HAUS6: variants seen among roughly 807,000 people sequenced by gnomAD.
The protein encoded by HAUS6 is HAUS augmin-like complex subunit 6.
In HAUS6, 80 loss-of-function variants were observed where a neutral mutation model predicts 106.8. The observed-to-expected ratio is 0.75, with a 90% CI of 0.63 to 0.90. The LOEUF (loss-of-function observed/expected upper bound fraction) is 0.90. HAUS6 is among the 40% of genes least tolerant of loss of function. The pLI is 0.00. For missense variants in HAUS6, 1,155 were observed against 1,118.1 expected (o/e 1.03, Z -0.47); for synonymous variants, 356 against 379.1 (o/e 0.94, Z 0.71).
chr9:19,088,677 G>C (rs956839180), intron 5 of HAUS6, among the ~76,000 whole-genome samples: 2 of 150,942 alleles, frequency 1.3e-5, no homozygotes, highest in East Asian at 3.9e-4. Context: ...AGACCAGCAT[G>C]GTCAACATGG....
At position 19,080,426 on chromosome 9, in the gene HAUS6, G is replaced by A. The variant is rs1326459155; in HGVS notation, c.1064+53C>T. ...CTATTAAACTTATACAAGTTTTGTT[G>A]AGAAAACCACCCTACTCCTCCCACA... On this transcript the variant is annotated intron_variant, in intron 9 of 16. Transcript: ENST00000380502. 6 of 1,236,140 alleles carry A rather than the reference G, an allele frequency of 4.9e-6. No homozygotes were observed. The South Asian group carries it at 7.5e-5, about 15-fold the overall frequency. 76.6% of individuals were successfully genotyped at this position (1,236,140 alleles called of 1,614,324 possible).
chr9:19,058,833 A>G lies in HAUS6; in HGVS notation c.1934T>C (p.Val645Ala). The G allele has an allele frequency of 6.2e-7, 1 of 1,614,232 alleles. No individual in the cohort carries two copies. Among genetic ancestry groups the G allele is most frequent in the Non-Finnish European group, 8.5e-7 (1 of 1,180,020 alleles). The change falls in exon 16 of 17, where the codon GTA (valine) becomes GCA (alanine). Residue 645 changes from valine to alanine, a missense_variant. By Grantham distance (64) the Val-to-Ala change is moderately conservative. This residue lies in a region of HAUS6 where 380 missense variants were observed against 394.8 expected (regional missense o/e 0.96). Coordinates refer to ENST00000380502, the MANE Select transcript of HAUS6 (RefSeq NM_017645.5). ...CAAATGAGACTGGCCAAAATCTGAT[A>G]CAGTGGTTTCTAAGAGAAAATCAGC... Reference protein sequence around the residue: ...SMADFLLETTVSDFGQSHLTE... With the variant: ...SMADFLLETTASDFGQSHLTE...
intron 16 of HAUS6, chr9:19,057,749 C>T: frequency 2.4e-6 from 1 of 417,768 alleles, no homozygotes; most frequent in South Asian, 1.0e-4. Flanking sequence ...TTTTTTTTCC[C>T]ACCCCTGTCT....
In HAUS6 at chr9:19,079,039, C is replaced by T. The variant is rs865906700; in HGVS notation, c.1065-737G>A. 4.7e-5 allele frequency among the ~76,000 whole-genome samples: 7 copies of T among 149,718 alleles called. No homozygotes were observed. The South Asian group carries it at 1.3e-3, about 27-fold the overall frequency. ...ATTGGCTGGACATGGTGGCATGCAC[C>T]TGTAATCCCAGCTACTCAACAAGCT... On this transcript the variant is annotated intron_variant, in intron 9 of 16. Coordinates refer to ENST00000380502, the MANE Select transcript of HAUS6 (RefSeq NM_017645.5).
At position 19,055,151 on chromosome 9, in the gene HAUS6, T is replaced by C. The variant is rs1480985064; in HGVS notation, c.*1192A>G. On this transcript the variant is annotated 3_prime_UTR_variant, in exon 17 of 17. Coordinates refer to ENST00000380502, the MANE Select transcript of HAUS6 (RefSeq NM_017645.5). The stretch of plus-strand genomic sequence containing the variant: ...GATAAAAGAAATAACTATTAAGCCA[T>C]CTACTTCCATAAATTTCCCCTCCAC... The C allele has an allele frequency of 6.6e-6, 1 of 152,226 alleles. No homozygotes were observed. The highest frequency in any genetic ancestry group is 1.5e-5 in the Non-Finnish European group (1 of 68,038). The allele number at this position is 152,226 out of a possible 1,614,324, so 9.4% of individuals were successfully genotyped here.
intron 2 of HAUS6, among the ~76,000 whole-genome samples, chr9:19,096,432 G>A (rs191836953): frequency 6.6e-6 from 1 of 151,944 alleles, no homozygotes; most frequent in South Asian, 2.1e-4. Context: ...AGGCGTCGTG[G>A]CAGTCACCTA....
At chr9:19,083,075 A>G in intron 7 of HAUS6, 32 bp from the exon 8 acceptor site, 1 of 1,395,626 alleles carries the variant, frequency 7.2e-7, no homozygotes, top group South Asian at 1.4e-5. Context: ...ATTAAAGTCC[A>G]CACATAATCT....
chr9:19,083,160 T>G, intron 7 of HAUS6, 117 bp from the exon 8 acceptor site: 1 of 495,722 alleles, frequency 2.0e-6, no homozygotes, highest in Non-Finnish European at 3.5e-6. Flanking sequence ...AGTAAGAAAA[T>G]TAAATAATTA....
At chr9:19,071,595 G>T (rs1247019638) in intron 11 of HAUS6, among the ~76,000 whole-genome samples, 27 of 114,168 alleles carry the variant, frequency 2.4e-4, no homozygotes, top group African/African-American at 7.8e-4. Context: ...TTTTTTTTGA[G>T]ACAGGGTCTT....
At chr9:19,093,504 A>G (rs1817798896) in intron 3 of HAUS6, among the ~76,000 whole-genome samples, 2 of 152,240 alleles carry the variant, frequency 1.3e-5, no homozygotes, top group Admixed American at 1.3e-4. Flanking sequence ...ACTGTGCAGC[A>G]GAGTGCAAAG....
chr9:19,077,629 A>C (rs1280674362), intron 10 of HAUS6, among the ~76,000 whole-genome samples: 2 of 152,216 alleles, frequency 1.3e-5, no homozygotes, highest in African/African-American at 4.8e-5. Context: ...ATATTATATT[A>C]TATATACATT....
rs1384389451 is a variant in HAUS6 at position 19,063,149 on chromosome 9, A to G, written c.1488T>C (p.Ser496=). The G allele has an allele frequency of 5.0e-6, 8 of 1,606,696 alleles. No homozygotes were observed. Among genetic ancestry groups the G allele is most frequent in the Non-Finnish European group, 6.0e-6 (7 of 1,175,248 alleles). Residue 496 remains serine (S), a synonymous_variant, in exon 14 of 17, where the codon TCT becomes TCC. Coordinates refer to ENST00000380502, the MANE Select transcript of HAUS6 (RefSeq NM_017645.5). Reference sequence around the variant, plus strand: ...CCACTTCAAATTCTGGTATTTTCTTAGAAATTGCTTCATTTTTTTCTTTGG... The same window carrying G: ...CCACTTCAAATTCTGGTATTTTCTTGGAAATTGCTTCATTTTTTTCTTTGG... ...GTPKEKNEAI[S]KKIPEFEVEN...
chr9:19,098,202 A>G (rs912556530), intron 1 of HAUS6, among the ~76,000 whole-genome samples: 2 of 152,208 alleles, frequency 1.3e-5, no homozygotes, highest in African/African-American at 2.4e-5. Flanking sequence ...GCATTTTGGG[A>G]GGCCAAGGCA....
At chr9:19,072,684 T>C (rs1012823106) in intron 11 of HAUS6, among the ~76,000 whole-genome samples, 7 of 152,224 alleles carry the variant, frequency 4.6e-5, no homozygotes, top group South Asian at 2.1e-4. Flanking sequence ...AATGAAGACA[T>C]TTTCAAAGAA....
chr9:19,083,173 C>T (rs1489515010), intron 7 of HAUS6, 130 bp from the exon 8 acceptor site: 3 of 470,470 alleles, frequency 6.4e-6, no homozygotes, highest in Admixed American at 4.3e-5. Context: ...AATAATTATA[C>T]TTTAATAGTT....
At chr9:19,093,606 T>A (rs1292949011) in intron 3 of HAUS6, among the ~76,000 whole-genome samples, 1 of 152,192 alleles carries the variant, frequency 6.6e-6, no homozygotes, top group African/African-American at 2.4e-5. Context: ...TGGTGGCTCA[T>A]ACCTGTAATC....
intron 8 of HAUS6, among the ~76,000 whole-genome samples, chr9:19,081,117 C>T (rs10963943): frequency 0.08 from 12,207 of 151,672 alleles, 528 homozygotes; most frequent in East Asian, 0.11. Flanking sequence ...AAATCAAATA[C>T]CCCCAAACAT....
In HAUS6 at chr9:19,054,031, G is replaced by A. The variant is rs1836416707; in HGVS notation, c.*2312C>T. The A allele has an allele frequency of 6.6e-6, 1 of 152,148 alleles. No homozygotes were observed. The highest frequency in any genetic ancestry group is 1.5e-5 in the Non-Finnish European group (1 of 68,010). 9.4% of individuals were successfully genotyped at this position (152,148 alleles called of 1,614,324 possible). A position where few individuals can be genotyped will look rare whatever the true frequency, so the allele number is the denominator to read the frequency against. ...CATAGGAGATTTCAGAGAAGGAGTA[G>A]GCACATGGATATAAAAAGCGTGGAT... is the stretch of plus-strand genomic sequence containing the variant. On this transcript the variant is annotated 3_prime_UTR_variant, in exon 17 of 17. Transcript: ENST00000380502.
At chr9:19,059,221 T>C (rs924745563) in intron 15 of HAUS6, among the ~76,000 whole-genome samples, 1 of 152,200 alleles carries the variant, frequency 6.6e-6, no homozygotes, top group African/African-American at 2.4e-5. Flanking sequence ...AGACAGCTGT[T>C]CCTGAAATAT....
Sources: allele counts gnomAD v4.1 joint callset (sites outside exome capture counted in the v4.1 genomes callset), GRCh38; gene constraint gnomAD v4.1.1; regional missense constraint gnomAD v4.1.1; transcripts MANE v1.5; gene names NCBI Gene and HGNC (gene_info 2026-07-23, HGNC 2026-07-21).